The following TANGO6 variants were observed in gnomAD, a reference collection of about 807,000 sequenced individuals.
The protein encoded by TANGO6 is transport and golgi organization 6 homolog, also known as transport and Golgi organization protein 6 homolog.
A neutral mutation model predicts 114.2 loss-of-function variants in TANGO6; 90 were observed. The observed-to-expected ratio is 0.79, with a 90% CI of 0.66 to 0.94. The LOEUF is 0.94. Among genes scored for constraint, TANGO6 ranks in the 40% least tolerant of loss-of-function variants. The probability of loss-of-function intolerance (pLI) is 0.00; values close to 1 mark genes in which losing one functional copy is unlikely to be tolerated. For missense variants in TANGO6, 1,274 were observed against 1,315.3 expected (o/e 0.97, Z 0.49); for synonymous variants, 477 against 509.8 (o/e 0.94, Z 0.87).
At chr16:68,860,645 A>T (rs780525584) in intron 2 of TANGO6, 121 bp downstream of exon 2, 40 of 1,259,888 alleles carry the variant, frequency 3.2e-5, no homozygotes, top group Non-Finnish European at 4.1e-5. Flanking sequence ...ATGCCAAAGC[A>T]TATCCAATGG....
intron 1 of TANGO6, among the ~76,000 whole-genome samples, chr16:68,857,365 T>A (rs539294128): frequency 1.1e-4 from 16 of 152,238 alleles, no homozygotes; most frequent in Admixed American, 1.0e-3. Flanking sequence ...TTCTGTTGTC[T>A]GAGTGTAGCA....
Position 68,923,869 on chromosome 16 carries a change from T to C in TANGO6, c.2128-3699T>C, listed in dbSNP as rs532522144. 3.9e-5 allele frequency among the ~76,000 whole-genome samples: 6 copies of C among 152,314 alleles called. No individual in the cohort carries two copies. The East Asian group carries it at 1.2e-3, about 29-fold the overall frequency. ...TTCAAAAGGGCATGAGCTCAAAAAG[T>C]TGAAAAACACTGCCCTCACCCATAG... is the stretch of plus-strand genomic sequence containing the variant. On this transcript the variant is annotated intron_variant, in intron 12 of 17. Coordinates refer to ENST00000261778, the MANE Select transcript of TANGO6 (RefSeq NM_024562.2).
chr16:68,886,094 G>A (rs185094123), intron 7 of TANGO6, among the ~76,000 whole-genome samples: 310 of 152,260 alleles, frequency 2.0e-3, no homozygotes, highest in Middle Eastern at 3.4e-3. Flanking sequence ...TGGGAGTAAA[G>A]TAGTATCTCA....
chr16:68,930,109 G>A (rs1173741774), intron 13 of TANGO6, 129 bp from the exon 14 acceptor site: 1 of 721,858 alleles, frequency 1.4e-6, no homozygotes, highest in African/African-American at 1.8e-5. Context: ...ACAAAACTCT[G>A]TCAGACCAGT....
intron 15 of TANGO6, among the ~76,000 whole-genome samples, chr16:69,021,356 T>C (rs1388715966): frequency 6.6e-6 from 1 of 152,186 alleles, no homozygotes; most frequent in Admixed American, 6.5e-5. Context: ...TACGCTCACC[T>C]TCCAGTCTTT....
At chr16:68,939,577 ATTTT>A (rs576027928) in intron 14 of TANGO6, among the ~76,000 whole-genome samples, 16 of 137,506 alleles carry the variant, frequency 1.2e-4, no homozygotes, top group South Asian at 4.7e-4. Flanking sequence ...ACTAAAAGGA[ATTTT>A]TTTTTTTTTT....
intron 14 of TANGO6, among the ~76,000 whole-genome samples, chr16:68,966,173 C>T: frequency 6.6e-6 from 1 of 152,216 alleles, no homozygotes. Context: ...CTGCAGTGAG[C>T]TGTGATTATA....
intron 14 of TANGO6, among the ~76,000 whole-genome samples, chr16:68,972,616 T>C (rs1220538640): frequency 6.6e-6 from 1 of 152,180 alleles, no homozygotes; most frequent in Non-Finnish European, 1.5e-5. Context: ...GCACCTGACA[T>C]GTGCTAGGAC....
chr16:68,991,431 C>T (rs1597050233), intron 15 of TANGO6, among the ~76,000 whole-genome samples: 1 of 151,934 alleles, frequency 6.6e-6, no homozygotes, highest in East Asian at 1.9e-4. Context: ...GCCTGGCCAA[C>T]ATGGTGAAAC....
chr16:68,973,205 A>G, intron 14 of TANGO6: 1 of 455,526 alleles, frequency 2.2e-6, no homozygotes, highest in Non-Finnish European at 4.4e-6. Context: ...TTGATGGGCC[A>G]GGGTGCTTGG....
At chr16:69,063,680 T>C (rs540255595) in intron 17 of TANGO6, among the ~76,000 whole-genome samples, 1 of 146,146 alleles carries the variant, frequency 6.8e-6, no homozygotes, top group African/African-American at 2.5e-5. Flanking sequence ...ACAAAGTTCT[T>C]TGGGGGATTT....
intron 17 of TANGO6, among the ~76,000 whole-genome samples, chr16:69,063,808 C>CTTCTTCTTCTTCTTATTATTA (rs56983779): frequency 3.8e-4 from 48 of 125,574 alleles, no homozygotes; most frequent in African/African-American, 1.3e-3. Flanking sequence ...TCTTCTTCTT[C>CTTCTTCTTCTTCTTATTATTA]TTATTATTAT....
intron 14 of TANGO6, among the ~76,000 whole-genome samples, chr16:68,953,050 T>TTTTTTTTTA (rs1555525236): frequency 1.1e-4 from 16 of 139,208 alleles, no homozygotes; most frequent in East Asian, 2.1e-4. Context: ...ACAGGTATTT[T>TTTTTTTTTA]TTATTATTAT....
chr16:68,850,379 A>C (rs1362976763), intron 1 of TANGO6, among the ~76,000 whole-genome samples: 4 of 152,182 alleles, frequency 2.6e-5, no homozygotes, highest in Non-Finnish European at 5.9e-5. Context: ...GCATGTATAC[A>C]TACCCATACA....
chr16:68,939,251 G>A (rs1432795043), intron 14 of TANGO6, among the ~76,000 whole-genome samples: 1 of 152,076 alleles, frequency 6.6e-6, no homozygotes, highest in Non-Finnish European at 1.5e-5. Flanking sequence ...TTAGCCGGGT[G>A]TGGTGGCAGG....
At chr16:69,011,960 T>C (rs1422533293) in intron 15 of TANGO6, among the ~76,000 whole-genome samples, 1 of 152,238 alleles carries the variant, frequency 6.6e-6, no homozygotes, top group East Asian at 1.9e-4. Context: ...TAAAATTTTT[T>C]CAGCTCTCTC....
At chr16:68,895,574 G>A (rs1026420349) in intron 7 of TANGO6, among the ~76,000 whole-genome samples, 1 of 152,120 alleles carries the variant, frequency 6.6e-6, no homozygotes. Flanking sequence ...TATGTCACAG[G>A]CTCTAAAGTG....
intron 14 of TANGO6, chr16:68,973,138 A>G (rs1361765137): frequency 4.4e-6 from 2 of 455,754 alleles, no homozygotes; most frequent in Non-Finnish European, 8.8e-6. Flanking sequence ...GCAATGGATG[A>G]AAAAGGTAGA....
chr16:68,969,136 C>T (rs1963678916), intron 14 of TANGO6, among the ~76,000 whole-genome samples: 1 of 152,138 alleles, frequency 6.6e-6, no homozygotes, highest in Non-Finnish European at 1.5e-5. Flanking sequence ...TTCCTACGGT[C>T]AGAGCAGAAA....
Sources: gnomAD v4.1 joint callset for allele counts (sites outside exome capture counted in the v4.1 genomes callset) on GRCh38, gnomAD v4.1.1 for gene constraint, MANE v1.5 for transcripts, NCBI Gene and HGNC (gene_info 2026-07-23, HGNC 2026-07-21) for gene names.